Variants in RGS7 observed in about 807,000 individuals in gnomAD.
RGS7 encodes regulator of G-protein signaling 7.
In RGS7, 27 loss-of-function variants were observed where a neutral mutation model predicts 81.1. That is an observed-to-expected ratio of 0.33 (90% CI 0.25 to 0.46). The LOEUF (loss-of-function observed/expected upper bound fraction) is 0.46, where lower values mean the gene tolerates loss of function less well. Among genes scored for constraint, RGS7 ranks in the 20% least tolerant of loss-of-function variants. The pLI, the probability that RGS7 is intolerant of heterozygous loss-of-function variation, is 1.00. For synonymous variants in RGS7, 208 were observed against 207.7 expected (o/e 1.00, Z -0.01); for missense variants, 396 against 607.4 (o/e 0.65, Z 3.66).
intron 2 of RGS7, among the ~76,000 whole-genome samples, chr1:241,217,204 A>G (rs1915883): frequency 0.18 from 27,299 of 152,112 alleles, 2,758 homozygotes; most frequent in Middle Eastern, 0.22. Flanking sequence ...CCAGGTGCAC[A>G]TATTGAGGAA....
chr1:240,907,434 G>A (rs184859744), intron 6 of RGS7, among the ~76,000 whole-genome samples: 28 of 151,722 alleles, frequency 1.8e-4, no homozygotes, highest in African/African-American at 4.6e-4. Flanking sequence ...ATACTAAATC[G>A]TAGAAATAAA....
intron 18 of RGS7, among the ~76,000 whole-genome samples, chr1:240,791,203 G>T (rs1054093706): frequency 1.3e-5 from 2 of 152,162 alleles, no homozygotes; most frequent in Non-Finnish European, 2.9e-5. Flanking sequence ...AATGGCTTCT[G>T]CTGGTTGAAA....
At chr1:241,197,251 C>CTTTT (rs1190138386) in intron 2 of RGS7, among the ~76,000 whole-genome samples, 2 of 40,412 alleles carry the variant, frequency 4.9e-5, no homozygotes, top group African/African-American at 7.7e-5. Flanking sequence ...ATCAAAGTAT[C>CTTTT]TTTTTTTTTT....
chr1:241,075,617 G>A (rs2459941), intron 3 of RGS7, among the ~76,000 whole-genome samples: 4,097 of 152,136 alleles, frequency 0.027, 184 homozygotes, highest in African/African-American at 0.093. Context: ...ATGCAAAAAC[G>A]TCTCATCATG....
intron 9 of RGS7, among the ~76,000 whole-genome samples, chr1:240,845,740 T>C (rs2147902617): frequency 6.6e-6 from 1 of 152,356 alleles, no homozygotes; most frequent in South Asian, 2.1e-4. Context: ...TTGTCATCGA[T>C]AGTAATCCAC....
At chr1:241,151,452 G>A (rs1243831421) in intron 2 of RGS7, among the ~76,000 whole-genome samples, 1 of 152,070 alleles carries the variant, frequency 6.6e-6, no homozygotes, top group East Asian at 1.9e-4. Context: ...CATGCAGCGG[G>A]TGAAGGGCTG....
intron 2 of RGS7, among the ~76,000 whole-genome samples, chr1:241,124,841 G>A (rs1279488210): frequency 6.6e-6 from 1 of 152,224 alleles, no homozygotes; most frequent in Non-Finnish European, 1.5e-5. Flanking sequence ...AGGCGCTGCA[G>A]GTAGGCAGAG....
intron 3 of RGS7, among the ~76,000 whole-genome samples, chr1:241,059,793 A>C (rs2148829057): frequency 6.6e-6 from 1 of 150,792 alleles, no homozygotes; most frequent in South Asian, 2.1e-4. Context: ...ATTGGATAGC[A>C]CCTTACACAT....
chr1:241,342,305 A>G (rs576876593), intron 2 of RGS7, among the ~76,000 whole-genome samples: 7 of 152,298 alleles, frequency 4.6e-5, no homozygotes, highest in Admixed American at 2.6e-4. Context: ...CCATCAGCAC[A>G]CCAGCAGCTA....
intron 2 of RGS7, among the ~76,000 whole-genome samples, chr1:241,302,512 G>A (rs2079832380): frequency 6.6e-6 from 1 of 152,240 alleles, no homozygotes; most frequent in African/African-American, 2.4e-5. Flanking sequence ...TCACGCCACT[G>A]CACTCCAGCC....
intron 9 of RGS7, among the ~76,000 whole-genome samples, chr1:240,855,771 ATTGT>A (rs1558360183): frequency 1.3e-5 from 2 of 152,160 alleles, no homozygotes; most frequent in Non-Finnish European, 1.5e-5. Context: ...TTTAATTCAT[ATTGT>A]CAAATTAATT....
intron 1 of RGS7, among the ~76,000 whole-genome samples, chr1:241,356,681 C>T (rs1304378322): frequency 2.5e-4 from 38 of 151,482 alleles, no homozygotes; most frequent in Admixed American, 1.7e-3. Flanking sequence ...GCCTGTGCCC[C>T]GCGCCGCGGC....
chr1:241,156,182 A>G (rs1049924430), intron 2 of RGS7, among the ~76,000 whole-genome samples: 1 of 150,946 alleles, frequency 6.6e-6, no homozygotes, highest in Non-Finnish European at 1.5e-5. Flanking sequence ...ACATATACAT[A>G]GACAGACAGA....
intron 4 of RGS7, among the ~76,000 whole-genome samples, chr1:240,959,465 C>T (rs932030951): frequency 2.0e-5 from 3 of 149,454 alleles, no homozygotes; most frequent in Non-Finnish European, 3.0e-5. Flanking sequence ...ATGGTATTTG[C>T]ATATCTCAAC....
intron 6 of RGS7, among the ~76,000 whole-genome samples, chr1:240,884,592 A>G (rs1000921289): frequency 4.6e-5 from 7 of 152,224 alleles, no homozygotes; most frequent in Admixed American, 1.3e-4. Context: ...GAGAGCCCAG[A>G]AATGAGGGAA....
chr1:241,304,932 T>C (rs1381547273), intron 2 of RGS7, among the ~76,000 whole-genome samples: 1 of 152,240 alleles, frequency 6.6e-6, no homozygotes, highest in African/African-American at 2.4e-5. Context: ...ATTGTAGTAA[T>C]TATAATCTGT....
intron 3 of RGS7, among the ~76,000 whole-genome samples, chr1:241,044,998 T>C (rs970606438): frequency 6.6e-6 from 1 of 152,222 alleles, no homozygotes; most frequent in East Asian, 1.9e-4. Flanking sequence ...GTGCTGATTC[T>C]GTACTTCGAG....
At chr1:241,202,248 G>C (rs772076127) in intron 2 of RGS7, among the ~76,000 whole-genome samples, 66 of 152,140 alleles carry the variant, frequency 4.3e-4, no homozygotes, top group Non-Finnish European at 3.7e-4. Flanking sequence ...AACATCAGTT[G>C]TAGCATTTAC....
At chr1:241,190,452 A>G (rs2072552352) in intron 2 of RGS7, among the ~76,000 whole-genome samples, 2 of 152,098 alleles carry the variant, frequency 1.3e-5, no homozygotes, top group South Asian at 4.1e-4. Context: ...CAATCAGTAA[A>G]AATTGCATTT....
Sources: gnomAD v4.1 joint callset for allele counts (sites outside exome capture counted in the v4.1 genomes callset) on GRCh38, gnomAD v4.1.1 for gene constraint, MANE v1.5 for transcripts, NCBI Gene and HGNC (gene_info 2026-07-23, HGNC 2026-07-21) for gene names.